Variants in ULK2 observed in about 807,000 individuals in gnomAD.
ULK2 encodes the protein serine/threonine-protein kinase ULK2.
Under a neutral mutation model 127.5 loss-of-function variants are expected in ULK2, and 76 were observed. That is an observed-to-expected ratio of 0.60 (90% confidence interval 0.50 to 0.72). The LOEUF (loss-of-function observed/expected upper bound fraction) is 0.72. Among genes scored for constraint, ULK2 ranks in the 30% least tolerant of loss-of-function variants. The probability of loss-of-function intolerance (pLI) is 0.00; values close to 1 mark genes in which losing one functional copy is unlikely to be tolerated. For synonymous variants in ULK2, 452 were observed against 461.9 expected, an observed-to-expected ratio of 0.98 and a Z score of 0.28; for missense variants, 1,144 against 1,295.9, an observed-to-expected ratio of 0.88 and a Z score of 1.80.
intron 18 of ULK2, 100 bp from the exon 19 acceptor site, chr17:19,796,382 G>A (rs1428472248): frequency 3.6e-6 from 4 of 1,098,624 alleles, no homozygotes; most frequent in Non-Finnish European, 4.9e-6. Flanking sequence ...TCAGGAGCAT[G>A]TAGGAGATAG....
At chr17:19,863,540 C>A (rs2042288711) in intron 3 of ULK2, among the ~76,000 whole-genome samples, 1 of 148,028 alleles carries the variant, frequency 6.8e-6, no homozygotes, top group Non-Finnish European at 1.5e-5. Flanking sequence ...GCTCTGTTGT[C>A]CAGGCAGGAC....
At chr17:19,861,790 G>A (rs2152403157) in intron 3 of ULK2, among the ~76,000 whole-genome samples, 1 of 152,272 alleles carries the variant, frequency 6.6e-6, no homozygotes, top group Middle Eastern at 3.4e-3. Flanking sequence ...GTTTAGTTTT[G>A]ACTTAAAAGG....
intron 10 of ULK2, among the ~76,000 whole-genome samples, chr17:19,836,239 T>C (rs1249964123): frequency 6.6e-6 from 1 of 151,180 alleles, no homozygotes; most frequent in African/African-American, 2.4e-5. Context: ...TGAAACCCCA[T>C]CTCTACTAAA....
At chr17:19,795,530 C>G (rs2087250266) in intron 20 of ULK2, 92 bp downstream of exon 20, 2 of 1,062,298 alleles carry the variant, frequency 1.9e-6, no homozygotes, top group Admixed American at 3.4e-5. Flanking sequence ...TTTTATGCCA[C>G]CAAGCATGTG....
In ULK2 at chr17:19,795,621, C is replaced by A. The variant is rs2087251542; in HGVS notation, c.2101+1G>T. 6.2e-7 allele frequency: 1 copy of A among 1,612,656 alleles called. No homozygotes were observed. Among genetic ancestry groups the A allele is most frequent in the Non-Finnish European group, 8.5e-7 (1 of 1,178,860 alleles). On this transcript the variant is annotated splice_donor_variant, in intron 20 of 26. Coordinates refer to ENST00000395544, the MANE Select transcript of ULK2 (RefSeq NM_014683.4). LOFTEE classifies it high-confidence loss of function. ...CTAAAAAGAAACTACATTTTTCTTACCTATATCCATTGGTCGTTCTGTATT... is the reference window on the plus strand; with the variant it reads ...CTAAAAAGAAACTACATTTTTCTTAACTATATCCATTGGTCGTTCTGTATT...
chr17:19,782,024 A>C lies in ULK2; in HGVS notation c.2504T>G (p.Met835Arg). The C allele has an allele frequency of 6.2e-7, 1 of 1,614,200 alleles. No individual in the cohort carries two copies. The highest frequency in any genetic ancestry group is 8.5e-7 in the Non-Finnish European group (1 of 1,180,038). The change falls in exon 23 of 27, where the codon ATG becomes AGG. Residue 835 changes from methionine to arginine, a missense_variant. Around this residue, in one of 2 missense-constraint regions of ULK2, gnomAD observed 913 missense variants for 970.5 expected, o/e 0.94. Coordinates refer to ENST00000395544, the MANE Select transcript of ULK2 (RefSeq NM_014683.4). ...CAGGTCCAGCACACACTCAGTGAAC[A>C]TCAGCATCACATTCAGATGGCGTAA... ...DTLRHLNVML[M>R]FTECVLDLTA...
At chr17:19,856,738 C>T (rs1456630188) in intron 3 of ULK2, among the ~76,000 whole-genome samples, 1 of 151,564 alleles carries the variant, frequency 6.6e-6, no homozygotes, top group Non-Finnish European at 1.5e-5. Context: ...TTTGGGTGGC[C>T]GAGGCGGGCA....
intron 12 of ULK2, among the ~76,000 whole-genome samples, chr17:19,824,742 A>G (rs2041246822): frequency 6.6e-6 from 1 of 152,224 alleles, no homozygotes; most frequent in Non-Finnish European, 1.5e-5. Context: ...TGTCTACGGC[A>G]TTCAGATCAA....
intron 12 of ULK2, among the ~76,000 whole-genome samples, chr17:19,818,486 C>T (rs996302444): frequency 2.0e-5 from 3 of 152,120 alleles, no homozygotes; most frequent in Non-Finnish European, 4.4e-5. Flanking sequence ...TAGGCAGGAA[C>T]TTTCCCAGTT....
rs1346274393 is a variant in ULK2, at chr17:19,781,926, C to A, written c.2602G>T (p.Val868Leu). The change falls in exon 23 of 27, where the codon GTG becomes TTG. Residue 868 changes from valine to leucine, a missense_variant. This residue lies in a region of ULK2 where 913 missense variants were observed against 970.5 expected (regional missense o/e 0.94). Coordinates refer to ENST00000395544, the MANE Select transcript of ULK2 (RefSeq NM_014683.4). ...VSLYQIQESV[V>L]VDQISQLSKD... ...CTCAGCTGACTGATCTGGTCCACCA[C>A]CACACTCTCCTGGATCTGGTACAAG... The A allele has an allele frequency of 6.2e-7, 1 of 1,614,060 alleles. No homozygotes were observed. The highest frequency in any genetic ancestry group is 1.3e-5 in the African/African-American group (1 of 74,920).
rs143593454 is a variant in ULK2 at position 19,801,386 on chromosome 17, A to G, written c.1441+391T>C. 2.0e-5 allele frequency among the ~76,000 whole-genome samples: 3 copies of G among 152,292 alleles called. No individual in the cohort carries two copies. The East Asian group carries it at 5.8e-4, about 29-fold the overall frequency. ...CCAGGTGCTCGAGACCAGCCTGGGT[A>G]ACATAGTGAAACTTTGTCTCCGTAA... On this transcript the variant is annotated intron_variant, in intron 16 of 26. Transcript: ENST00000395544.
At chr17:19,790,889 G>C (rs1056982048) in intron 20 of ULK2, among the ~76,000 whole-genome samples, 1 of 152,170 alleles carries the variant, frequency 6.6e-6, no homozygotes, top group Admixed American at 6.5e-5. Context: ...TAGATTTCAA[G>C]ACAAAAACCA....
chr17:19,815,274 T>C (rs1201680229), intron 13 of ULK2, among the ~76,000 whole-genome samples: 1 of 152,078 alleles, frequency 6.6e-6, no homozygotes, highest in Non-Finnish European at 1.5e-5. Context: ...TTTTGTTTGT[T>C]TTTTGAGACA....
chr17:19,854,129 T>A (rs1042122939), intron 3 of ULK2, among the ~76,000 whole-genome samples: 1 of 151,756 alleles, frequency 6.6e-6, no homozygotes, highest in East Asian at 1.9e-4. Context: ...AACACAAAAA[T>A]TAGCTGGGTG....
intron 17 of ULK2, among the ~76,000 whole-genome samples, chr17:19,799,216 C>T (rs1409178332): frequency 2.0e-5 from 3 of 150,912 alleles, no homozygotes; most frequent in African/African-American, 7.3e-5. Flanking sequence ...TAAAATTTCA[C>T]TCCATAAATA....
At chr17:19,826,076 C>T in intron 11 of ULK2, 63 bp downstream of exon 11, 1 of 896,472 alleles carries the variant, frequency 1.1e-6, no homozygotes, top group Non-Finnish European at 1.6e-6. Flanking sequence ...TAGTAAAAAT[C>T]ATTAATTTTT....
intron 12 of ULK2, among the ~76,000 whole-genome samples, chr17:19,821,093 G>C (rs961577609): frequency 6.6e-6 from 1 of 152,200 alleles, no homozygotes; most frequent in African/African-American, 2.4e-5. Flanking sequence ...GATAACCTGA[G>C]ATCAGGAGTT....
At chr17:19,809,859 C>G (rs1279137659) in intron 14 of ULK2, among the ~76,000 whole-genome samples, 1 of 151,428 alleles carries the variant, frequency 6.6e-6, no homozygotes, top group African/African-American at 2.4e-5. Flanking sequence ...GAGCCAACAT[C>G]CCACCAATGC....
At chr17:19,821,547 C>T (rs1376032712) in intron 12 of ULK2, among the ~76,000 whole-genome samples, 5 of 152,186 alleles carry the variant, frequency 3.3e-5, no homozygotes, top group African/African-American at 1.2e-4. Context: ...GAGTCTACAC[C>T]AGTCCTAGAA....
Sources: gnomAD v4.1 joint callset for allele counts (sites outside exome capture counted in the v4.1 genomes callset) on GRCh38, gnomAD v4.1.1 for gene constraint, gnomAD v4.1.1 regional missense constraint, MANE v1.5 for transcripts, NCBI Gene and HGNC (gene_info 2026-07-23, HGNC 2026-07-21) for gene names.